IGSF21: variants seen among roughly 807,000 people sequenced by gnomAD.
IGSF21 encodes immunoglobulin superfamily member 21.
IGSF21 carries 28 observed loss-of-function variants against 46.8 expected under a neutral mutation model. That is an observed-to-expected ratio of 0.60 (90% CI 0.44 to 0.82). IGSF21 has a LOEUF of 0.82. Ranked by LOEUF, IGSF21 falls within the 40% of genes least tolerant of loss-of-function variation. The pLI is 0.00. For missense variants in IGSF21, 624 were observed against 665.5 expected (o/e 0.94, Z 0.69); for synonymous variants, 284 against 273.6 (o/e 1.04, Z -0.38).
intron 1 of IGSF21, among the ~76,000 whole-genome samples, chr1:18,188,365 C>T (rs2086924221): frequency 6.6e-6 from 1 of 152,054 alleles, no homozygotes; most frequent in African/African-American, 2.4e-5. Flanking sequence ...ATTAGATCGC[C>T]CCCATAAAAT....
intron 6 of IGSF21, among the ~76,000 whole-genome samples, chr1:18,370,826 C>A (rs1296472389): frequency 6.6e-6 from 1 of 152,146 alleles, no homozygotes; most frequent in Non-Finnish European, 1.5e-5. Flanking sequence ...TAAAAACCTA[C>A]ACTACATTAT....
rs2085726512 is a variant in IGSF21, at chr1:18,332,718, GA to G, written c.306-2170del. Among the ~76,000 whole-genome samples, 6 of 152,288 alleles carry G rather than the reference GA, an allele frequency of 3.9e-5. No homozygotes were observed. In the South Asian group the frequency reaches 1.2e-3, roughly 32 times the overall value. ...GTCTTCTCAACAAAGTCCCCCTGAT[GA>G]AAAGCTTCCCATTCTTTAAGTCCTT... is the stretch of plus-strand genomic sequence containing the variant. On this transcript the variant is annotated intron_variant, in intron 3 of 9. Coordinates refer to ENST00000251296, the MANE Select transcript of IGSF21 (RefSeq NM_032880.5).
chr1:18,198,609 T>C (rs988686331), intron 1 of IGSF21, among the ~76,000 whole-genome samples: 3 of 152,206 alleles, frequency 2.0e-5, no homozygotes, highest in Non-Finnish European at 4.4e-5. Context: ...GCTTTCTTAA[T>C]GCTGTAATAA....
At chr1:18,286,264 C>T (rs925312282) in intron 2 of IGSF21, among the ~76,000 whole-genome samples, 1 of 152,194 alleles carries the variant, frequency 6.6e-6, no homozygotes, top group African/African-American at 2.4e-5. Flanking sequence ...CTTTCTTGGC[C>T]GTGGTTCCTG....
At chr1:18,113,922 C>T (rs1276480122) in intron 1 of IGSF21, 2 of 152,262 alleles carry the variant, frequency 1.3e-5, no homozygotes, top group Non-Finnish European at 2.9e-5. Flanking sequence ...GATGAGTACC[C>T]GCTGAAGCAG....
chr1:18,118,204 G>A (rs984100962), intron 1 of IGSF21, among the ~76,000 whole-genome samples: 3 of 152,156 alleles, frequency 2.0e-5, no homozygotes, highest in Admixed American at 1.3e-4. Flanking sequence ...GGCGCTCAGC[G>A]CTCCTCTGAT....
intron 3 of IGSF21, among the ~76,000 whole-genome samples, chr1:18,333,698 G>C (rs192794495): frequency 6.6e-6 from 1 of 152,264 alleles, no homozygotes; most frequent in African/African-American, 2.4e-5. Context: ...GGAGGAAAGA[G>C]CCTCCCTGCT....
intron 1 of IGSF21, among the ~76,000 whole-genome samples, chr1:18,165,537 C>T (rs529920555): frequency 1.4e-4 from 22 of 152,280 alleles, no homozygotes; most frequent in Middle Eastern, 6.8e-3. Context: ...GGGATTAGGG[C>T]TTCAAATAAG....
chr1:18,112,990 CTCTTTTTTCTTTTTGCCT>C (rs900478599), intron 1 of IGSF21: 5 of 152,222 alleles, frequency 3.3e-5, no homozygotes, highest in African/African-American at 1.2e-4. Context: ...TTCCCTTCCT[CTCTTTTTTCTTTTTGCCT>C]TCTTTTTTCT....
At chr1:18,141,844 C>T (rs915219379) in intron 1 of IGSF21, among the ~76,000 whole-genome samples, 2 of 152,054 alleles carry the variant, frequency 1.3e-5, no homozygotes, top group African/African-American at 4.8e-5. Context: ...CAAGGCGAGC[C>T]GATTGCTTGA....
At chr1:18,120,877 C>A (rs1472537587) in intron 1 of IGSF21, among the ~76,000 whole-genome samples, 1 of 152,212 alleles carries the variant, frequency 6.6e-6, no homozygotes, top group Non-Finnish European at 1.5e-5. Flanking sequence ...CCTTCCTACT[C>A]TGGTCTCTTC....
At chr1:18,120,080 A>G (rs935323736) in intron 1 of IGSF21, among the ~76,000 whole-genome samples, 8 of 152,228 alleles carry the variant, frequency 5.3e-5, no homozygotes, top group Admixed American at 1.3e-4. Flanking sequence ...GTCCTTATCA[A>G]TCAGGTTCTG....
chr1:18,291,950 C>T lies in IGSF21; in HGVS notation c.268C>T (p.Arg90Cys), dbSNP rs1284876883. ...CAACTACTCACACATGGAGAACTACCGCAAGCGAGAGGACCTGGTGTACCA... is the reference window on the plus strand; with the variant it reads ...CAACTACTCACACATGGAGAACTACTGCAAGCGAGAGGACCTGGTGTACCA... ...STNYSHMENY[R>C]KREDLVYQST... The change falls in exon 3 of 10, where the codon CGC becomes TGC. Residue 90 changes from arginine to cysteine, a missense_variant. Transcript: ENST00000251296. The T allele has an allele frequency of 3.0e-5, 49 of 1,613,980 alleles. No homozygotes were observed. The highest frequency in any genetic ancestry group is 3.6e-5 in the Non-Finnish European group (43 of 1,179,992).
At chr1:18,200,218 C>A (rs1314588975) in intron 1 of IGSF21, among the ~76,000 whole-genome samples, 2 of 152,370 alleles carry the variant, frequency 1.3e-5, no homozygotes, top group East Asian at 3.9e-4. Context: ...ACAAGCCTAT[C>A]TGTCTCCTGA....
chr1:18,243,332 A>G (rs752804450), intron 2 of IGSF21, among the ~76,000 whole-genome samples: 1 of 152,018 alleles, frequency 6.6e-6, no homozygotes, highest in Non-Finnish European at 1.5e-5. Context: ...CGAAGCGAAA[A>G]ATCTAGGGCG....
In IGSF21 at chr1:18,337,440, T is replaced by C. The variant is rs940918956; in HGVS notation, c.424+2430T>C. Among the ~76,000 whole-genome samples, 1 of 152,222 alleles carries C rather than the reference T, an allele frequency of 6.6e-6. No homozygotes were observed. Among genetic ancestry groups the C allele is most frequent in the Non-Finnish European group, 1.5e-5 (1 of 68,042 alleles). On this transcript the variant is annotated intron_variant, in intron 4 of 9. Coordinates refer to ENST00000251296, the MANE Select transcript of IGSF21 (RefSeq NM_032880.5). The surrounding 1 kb of genome is among the most constrained non-coding windows in gnomAD (Gnocchi z 5.7). ...GTTTTTATTATCACTGTCTCTGATG[T>C]GCCCACTCCTGGGCACAACTGTGTC...
intron 1 of IGSF21, among the ~76,000 whole-genome samples, chr1:18,141,786 T>C (rs1347761152): frequency 1.3e-5 from 2 of 152,174 alleles, no homozygotes; most frequent in African/African-American, 2.4e-5. Flanking sequence ...GCACAGTTCA[T>C]GGCTGGGCAC....
chr1:18,173,489 C>A (rs1298172530), intron 1 of IGSF21, among the ~76,000 whole-genome samples: 3 of 152,190 alleles, frequency 2.0e-5, no homozygotes, highest in African/African-American at 7.2e-5. Context: ...CTGCATCCTG[C>A]CCTTAGGCCC....
At chr1:18,165,331 G>C (rs893630559) in intron 1 of IGSF21, among the ~76,000 whole-genome samples, 15 of 152,122 alleles carry the variant, frequency 9.9e-5, no homozygotes, top group African/African-American at 3.6e-4. Flanking sequence ...CTTGCGGATG[G>C]TCACCTTTTT....
Sources: allele counts gnomAD v4.1 joint callset (sites outside exome capture counted in the v4.1 genomes callset), GRCh38; gene constraint gnomAD v4.1.1; non-coding constraint Gnocchi (gnomAD v3.1); transcripts MANE v1.5; gene names NCBI Gene and HGNC (gene_info 2026-07-23, HGNC 2026-07-21).